RIN2: variants seen among roughly 807,000 people sequenced by gnomAD.
RIN2 encodes Ras and Rab interactor 2.
In RIN2, 36 loss-of-function variants were observed where a neutral mutation model predicts 78.0. The observed-to-expected ratio is 0.46, with a 90% CI of 0.35 to 0.61. The LOEUF (loss-of-function observed/expected upper bound fraction) is 0.61. Among genes scored for constraint, RIN2 ranks in the 20% least tolerant of loss-of-function variants. RIN2 has a pLI of 0.00. For synonymous variants in RIN2, 466 were observed against 466.8 expected, an observed-to-expected ratio of 1.00 and a Z score of 0.02; for missense variants, 1,087 against 1,159.7, an observed-to-expected ratio of 0.94 and a Z score of 0.91.
chr20:19,961,373 T>A (rs1232563177), intron 6 of RIN2, among the ~76,000 whole-genome samples: 2 of 152,212 alleles, frequency 1.3e-5, no homozygotes, highest in African/African-American at 4.8e-5. Flanking sequence ...TTCTTTCTGC[T>A]GTTCCACGAT....
chr20:19,870,644 CA>C (rs533551888), intron 2 of RIN2, among the ~76,000 whole-genome samples: 1 of 151,888 alleles, frequency 6.6e-6, no homozygotes, highest in East Asian at 1.9e-4. Context: ...TAGACTCTTT[CA>C]AAAAAAAGAA....
intron 3 of RIN2, among the ~76,000 whole-genome samples, chr20:19,890,320 C>T (rs928065646): frequency 2.0e-5 from 3 of 151,900 alleles, no homozygotes. Context: ...ACTTGGTGGT[C>T]GCTTCTGATT....
intron 3 of RIN2, 119 bp from the exon 4 acceptor site, chr20:19,934,980 A>G (rs1336359400): frequency 3.4e-5 from 23 of 667,602 alleles, no homozygotes; most frequent in East Asian, 1.5e-4. Flanking sequence ...AAAAAAAAAA[A>G]AAGAAATAGA....
chr20:19,769,977 G>A (rs1322964914), intron 1 of RIN2, among the ~76,000 whole-genome samples: 1 of 152,174 alleles, frequency 6.6e-6, no homozygotes. Flanking sequence ...CAGCAGAAAA[G>A]GAAAAGCGAA....
intron 12 of RIN2, among the ~76,000 whole-genome samples, chr20:19,998,177 T>C (rs914547345): frequency 2.6e-5 from 4 of 152,100 alleles, no homozygotes; most frequent in Non-Finnish European, 5.9e-5. Flanking sequence ...AGATGGGATT[T>C]CACCGTGGTG....
At chr20:19,853,948 G>T (rs370380794) in intron 2 of RIN2, among the ~76,000 whole-genome samples, 1 of 152,030 alleles carries the variant, frequency 6.6e-6, no homozygotes, top group African/African-American at 2.4e-5. Context: ...TCATGAAGTC[G>T]TTGCCCATGC....
intron 3 of RIN2, among the ~76,000 whole-genome samples, chr20:19,923,469 TAAATA>T (rs1555791810): frequency 4.1e-5 from 4 of 97,118 alleles, no homozygotes; most frequent in Non-Finnish European, 6.6e-5. Context: ...TAAAATAAAA[TAAATA>T]AAATAAAATA....
intron 2 of RIN2, among the ~76,000 whole-genome samples, chr20:19,861,654 A>G (rs1410671227): frequency 6.7e-6 from 1 of 149,968 alleles, no homozygotes; most frequent in African/African-American, 2.5e-5. Flanking sequence ...TCCATATCTG[A>G]TCACTCTCCA....
intron 6 of RIN2, among the ~76,000 whole-genome samples, chr20:19,961,949 A>G (rs1454452709): frequency 6.6e-6 from 1 of 152,196 alleles, no homozygotes; most frequent in African/African-American, 2.4e-5. Context: ...GTGTTAGGTG[A>G]ATTGATAATG....
intron 1 of RIN2, among the ~76,000 whole-genome samples, chr20:19,783,422 C>A (rs2034573773): frequency 6.6e-6 from 1 of 151,936 alleles, no homozygotes; most frequent in Non-Finnish European, 1.5e-5. Flanking sequence ...TCCCTAGACC[C>A]CCAGGTTTTT....
intron 12 of RIN2, among the ~76,000 whole-genome samples, chr20:19,997,962 C>T (rs1239867822): frequency 6.6e-6 from 1 of 151,314 alleles, no homozygotes; most frequent in Non-Finnish European, 1.5e-5. Flanking sequence ...TTTGTCTACA[C>T]ATCCAGATTC....
chr20:19,934,468 C>T (rs1244773780), intron 3 of RIN2: 8 of 985,066 alleles, frequency 8.1e-6, no homozygotes, highest in South Asian at 4.7e-5. Context: ...GCCGCCTTTT[C>T]CCCTAGATGG....
At chr20:19,957,862 T>C (rs889578171) in intron 5 of RIN2, among the ~76,000 whole-genome samples, 5 of 152,204 alleles carry the variant, frequency 3.3e-5, no homozygotes, top group South Asian at 2.1e-4. Flanking sequence ...TGGTGCAAAA[T>C]TTGGAACATT....
intron 2 of RIN2, among the ~76,000 whole-genome samples, chr20:19,858,637 C>G (rs918604707): frequency 3.3e-5 from 5 of 152,162 alleles, no homozygotes; most frequent in Admixed American, 6.5e-5. Context: ...TGCTCAAAAA[C>G]CATCTTGATA....
At chr20:19,887,416 T>C (rs1271246724) in intron 2 of RIN2, among the ~76,000 whole-genome samples, 2 of 152,166 alleles carry the variant, frequency 1.3e-5, no homozygotes, top group African/African-American at 4.8e-5. Flanking sequence ...TTTAATCCCA[T>C]GGGATGTACC....
chr20:19,934,774 A>G (rs2040567230), intron 3 of RIN2, among the ~76,000 whole-genome samples: 2 of 152,020 alleles, frequency 1.3e-5, no homozygotes, highest in South Asian at 4.2e-4. Flanking sequence ...ATTCCCGTCT[A>G]TATTCATGTT....
intron 3 of RIN2, among the ~76,000 whole-genome samples, chr20:19,924,772 T>C (rs1329038022): frequency 1.3e-5 from 1 of 76,110 alleles, no homozygotes; most frequent in Non-Finnish European, 2.3e-5. Context: ...GGAGTTTTGC[T>C]CTTGTTGCCC....
chr20:19,984,493 G>T (rs769309998), intron 9 of RIN2, among the ~76,000 whole-genome samples: 3 of 152,142 alleles, frequency 2.0e-5, no homozygotes, highest in African/African-American at 2.4e-5. Context: ...GGGGCCAGGC[G>T]TGGTGGCTCA....
intron 2 of RIN2, among the ~76,000 whole-genome samples, chr20:19,866,299 C>A (rs1401236416): frequency 6.6e-6 from 1 of 152,156 alleles, no homozygotes; most frequent in Non-Finnish European, 1.5e-5. Context: ...GCTGTAAATA[C>A]AGATGAAGCT....
Sources: gnomAD v4.1 joint callset for allele counts (sites outside exome capture counted in the v4.1 genomes callset) on GRCh38, gnomAD v4.1.1 for gene constraint, MANE v1.5 for transcripts, NCBI Gene and HGNC (gene_info 2026-07-23, HGNC 2026-07-21) for gene names.